XKR4: variants seen among roughly 807,000 people sequenced by gnomAD.
XKR4 encodes the protein XK-related protein 4.
In XKR4, 12 loss-of-function variants were observed where a neutral mutation model predicts 53.9. The ratio of observed to expected loss-of-function variants is 0.22; its 90% CI spans 0.14 to 0.36. The LOEUF (loss-of-function observed/expected upper bound fraction) is 0.36, where lower values mean the gene tolerates loss of function less well. Among genes scored for constraint, XKR4 ranks in the 10% least tolerant of loss-of-function variants. The pLI is 1.00. For missense variants in XKR4, 799 were observed against 859.5 expected (o/e 0.93, Z 0.88); for synonymous variants, 354 against 362.4 (o/e 0.98, Z 0.26).
chr8:55,506,502 G>A (rs1806528094), intron 2 of XKR4, among the ~76,000 whole-genome samples: 1 of 152,174 alleles, frequency 6.6e-6, no homozygotes, highest in African/African-American at 2.4e-5. Flanking sequence ...TTAAGAGCCT[G>A]GCTGAAGCCC....
intron 2 of XKR4, 82 bp from the exon 3 acceptor site, chr8:55,523,199 C>A: frequency 2.3e-6 from 3 of 1,292,234 alleles, no homozygotes; most frequent in Non-Finnish European, 3.2e-6. Context: ...CAGCCTTCCC[C>A]AAGCCCCCAG....
intron 2 of XKR4, among the ~76,000 whole-genome samples, chr8:55,466,958 A>G (rs974144839): frequency 6.6e-6 from 1 of 152,174 alleles, no homozygotes; most frequent in African/African-American, 2.4e-5. Flanking sequence ...TCAGCAGCTT[A>G]AAACAACACA....
rs2129361464 is a variant in XKR4 at position 55,195,095 on chromosome 8, G to A, written c.806+91801G>A. Among the ~76,000 whole-genome samples, 2 of 151,988 alleles carry A rather than the reference G, an allele frequency of 1.3e-5. 1 individual carries two copies. The highest frequency in any genetic ancestry group is 4.2e-4 in the South Asian group (2 of 4,808). ...TTTAATTCTAAAAATAAAAAGGGAG[G>A]GAAGAAATAGAGTCGATACTGTCCC... On this transcript the variant is annotated intron_variant, in intron 1 of 2. Coordinates refer to ENST00000327381, the MANE Select transcript of XKR4 (RefSeq NM_052898.2).
intron 2 of XKR4, among the ~76,000 whole-genome samples, chr8:55,378,677 T>C (rs1033407833): frequency 6.6e-5 from 10 of 152,068 alleles, no homozygotes; most frequent in Non-Finnish European, 1.5e-4. Flanking sequence ...AATAAAAACT[T>C]ACATAAAAAG....
intron 2 of XKR4, among the ~76,000 whole-genome samples, chr8:55,390,030 T>G (rs2129388511): frequency 6.6e-6 from 1 of 152,282 alleles, no homozygotes; most frequent in East Asian, 1.9e-4. Context: ...GGGGAAATGC[T>G]AACGGGAAAA....
intron 1 of XKR4, among the ~76,000 whole-genome samples, chr8:55,184,474 C>T (rs1817351639): frequency 6.6e-6 from 1 of 152,194 alleles, no homozygotes; most frequent in Non-Finnish European, 1.5e-5. Context: ...TCAGAGTCCC[C>T]TGAAGCCCTT....
chr8:55,475,607 TTTA>T lies in XKR4; in HGVS notation c.1007-47671_1007-47669del, dbSNP rs142669580. On this transcript the variant is annotated intron_variant, in intron 2 of 2. Coordinates refer to ENST00000327381, the MANE Select transcript of XKR4 (RefSeq NM_052898.2). ...ATTTATTTATTTATTTATTTATTTA[TTTA>T]TTTATTTATTTGAGATGGAGTCTCA... Among the ~76,000 whole-genome samples, 406 of 133,726 alleles carry T rather than the reference TTTA, an allele frequency of 3.0e-3. 1 individual carries two copies. Among genetic ancestry groups the T allele is most frequent in the Middle Eastern group, 7.0e-3 (2 of 286 alleles). 87.7% of individuals were successfully genotyped at this position (133,726 alleles called of 152,430 possible). A position where few individuals can be genotyped will look rare whatever the true frequency, so the allele number is the denominator to read the frequency against.
chr8:55,488,682 G>A (rs1429039739), intron 2 of XKR4, among the ~76,000 whole-genome samples: 1 of 61,414 alleles, frequency 1.6e-5, no homozygotes, highest in Non-Finnish European at 3.0e-5. Flanking sequence ...GCTCACGCCT[G>A]TAATCCCAGC....
At chr8:55,254,930 C>G (rs925746996) in intron 1 of XKR4, among the ~76,000 whole-genome samples, 5 of 152,220 alleles carry the variant, frequency 3.3e-5, no homozygotes, top group Middle Eastern at 3.2e-3. Flanking sequence ...TCATGATACA[C>G]TTTCCCTGTT....
At chr8:55,164,412 G>T (rs1411834077) in intron 1 of XKR4, 1 of 456,158 alleles carries the variant, frequency 2.2e-6, no homozygotes, top group African/African-American at 2.0e-5. Flanking sequence ...TTGACTGACA[G>T]ATCTCCCAGA....
chr8:55,133,163 C>G (rs1816581979), intron 1 of XKR4, among the ~76,000 whole-genome samples: 1 of 152,092 alleles, frequency 6.6e-6, no homozygotes, highest in Admixed American at 6.5e-5. Flanking sequence ...AAAATACGAA[C>G]AATTAATGGA....
chr8:55,235,265 C>G (rs1032056626), intron 1 of XKR4, among the ~76,000 whole-genome samples: 1 of 152,176 alleles, frequency 6.6e-6, no homozygotes, highest in Non-Finnish European at 1.5e-5. Flanking sequence ...CCACCCTGAT[C>G]CAGCGTGATC....
chr8:55,223,124 C>T (rs138038431), intron 1 of XKR4, among the ~76,000 whole-genome samples: 288 of 152,302 alleles, frequency 1.9e-3, no homozygotes, highest in African/African-American at 6.7e-3. Context: ...ATGCTATCAG[C>T]ACAGGTAAGG....
At chr8:55,163,056 G>A (rs1288082172) in intron 1 of XKR4, among the ~76,000 whole-genome samples, 1 of 152,068 alleles carries the variant, frequency 6.6e-6, no homozygotes, top group Non-Finnish European at 1.5e-5. Context: ...TTCTAGTCTT[G>A]GCCTTGCCTG....
At chr8:55,427,753 G>C (rs1487780206) in intron 2 of XKR4, among the ~76,000 whole-genome samples, 2 of 152,186 alleles carry the variant, frequency 1.3e-5, no homozygotes, top group Admixed American at 1.3e-4. Context: ...TTCCAACAGT[G>C]TCTAGCTACT....
chr8:55,198,710 G>A (rs762661719), intron 1 of XKR4, among the ~76,000 whole-genome samples: 7 of 152,014 alleles, frequency 4.6e-5, no homozygotes, highest in Non-Finnish European at 1.0e-4. Context: ...CCAGAAATTT[G>A]TTATAATAAA....
At chr8:55,350,482 G>C (rs1162818778) in intron 1 of XKR4, among the ~76,000 whole-genome samples, 1 of 152,130 alleles carries the variant, frequency 6.6e-6, no homozygotes, top group Non-Finnish European at 1.5e-5. Flanking sequence ...AGTAAAGTTT[G>C]ATACGAGCTA....
chr8:55,368,518 C>T (rs1373525437), intron 2 of XKR4, among the ~76,000 whole-genome samples: 1 of 152,182 alleles, frequency 6.6e-6, no homozygotes, highest in East Asian at 1.9e-4. Context: ...CCCAGGTCTT[C>T]ACATAGCTCA....
intron 2 of XKR4, among the ~76,000 whole-genome samples, chr8:55,512,388 C>A (rs571112972): frequency 1.4e-4 from 21 of 152,306 alleles, no homozygotes; most frequent in African/African-American, 4.6e-4. Context: ...CTCCTGCCTC[C>A]TCTGGCCAGC....
Sources: allele counts gnomAD v4.1 joint callset (sites outside exome capture counted in the v4.1 genomes callset), GRCh38; gene constraint gnomAD v4.1.1; transcripts MANE v1.5; gene names NCBI Gene and HGNC (gene_info 2026-07-23, HGNC 2026-07-21).